The following KHDC4 variants were observed in gnomAD, a reference collection of about 807,000 sequenced individuals.
KHDC4 encodes the protein KH domain containing 4, pre-mRNA splicing factor.
A neutral mutation model predicts 74.5 loss-of-function variants in KHDC4; 19 were observed. The observed-to-expected ratio is 0.26, with a 90% CI of 0.18 to 0.37. The LOEUF is 0.37. Among genes scored for constraint, KHDC4 ranks in the 10% least tolerant of loss-of-function variants. The pLI is 1.00. For missense variants in KHDC4, 632 were observed against 754.1 expected (o/e 0.84, Z 1.90); for synonymous variants, 253 against 266.1 (o/e 0.95, Z 0.48).
intron 8 of KHDC4, among the ~76,000 whole-genome samples, chr1:155,923,162 G>A (rs567375863): frequency 7.6e-4 from 114 of 149,900 alleles, no homozygotes; most frequent in Middle Eastern, 6.9e-3. Flanking sequence ...CCGAGATCCC[G>A]CCACTGCACT....
At chr1:155,922,651 C>T (rs1258269388) in intron 8 of KHDC4, among the ~76,000 whole-genome samples, 1 of 152,134 alleles carries the variant, frequency 6.6e-6, no homozygotes, top group Non-Finnish European at 1.5e-5. Flanking sequence ...GGTGACTTTT[C>T]CTCAAGGAGC....
At chr1:155,926,289 T>G (rs998352766) in intron 6 of KHDC4, among the ~76,000 whole-genome samples, 1 of 151,428 alleles carries the variant, frequency 6.6e-6, no homozygotes, top group Non-Finnish European at 1.5e-5. Flanking sequence ...ATTTGGAATT[T>G]CACGATTTTT....
At chr1:155,915,615 C>G (rs899767088) in intron 13 of KHDC4, 2 of 419,658 alleles carry the variant, frequency 4.8e-6, no homozygotes, top group Admixed American at 8.8e-5. Context: ...TGAAGCGATT[C>G]TCCTGCCTCA....
At chr1:155,923,457 G>A (rs1673912136) in intron 8 of KHDC4, among the ~76,000 whole-genome samples, 170 bp downstream of exon 8, 1 of 152,196 alleles carries the variant, frequency 6.6e-6, no homozygotes, top group South Asian at 2.1e-4. Context: ...CTTGATTTCA[G>A]ACTCTGCTTC....
intron 2 of KHDC4, among the ~76,000 whole-genome samples, chr1:155,931,759 CTGT>C (rs947718345): frequency 6.6e-6 from 1 of 152,224 alleles, no homozygotes; most frequent in Non-Finnish European, 1.5e-5. Context: ...AGGTAACATA[CTGT>C]TGTTTACTTT....
chr1:155,934,201 G>T, intron 1 of KHDC4, 135 bp downstream of exon 1: 1 of 997,142 alleles, frequency 1.0e-6, no homozygotes, highest in Non-Finnish European at 1.5e-6. Flanking sequence ...GCCTGCTCAA[G>T]ATCCTTCTCC....
intron 4 of KHDC4, among the ~76,000 whole-genome samples, chr1:155,927,825 A>C (rs1195296435): frequency 6.2e-4 from 52 of 83,250 alleles, no homozygotes; most frequent in Non-Finnish European, 1.0e-3. Context: ...AAAAAAAAAA[A>C]AAAAAACCAC....
rs1673665140 is a variant in KHDC4 at position 155,913,117 on chromosome 1, G to A, written c.*1004C>T. On this transcript the variant is annotated 3_prime_UTR_variant, in exon 14 of 14. Coordinates refer to ENST00000368321, the MANE Select transcript of KHDC4 (RefSeq NM_014949.4). ...CAACATATAGGAAACCAGAGGATAAGTTTATACAAAGCCAGCCTGCAAAGT... is the reference window on the plus strand; with the variant it reads ...CAACATATAGGAAACCAGAGGATAAATTTATACAAAGCCAGCCTGCAAAGT... 1 of 152,692 alleles carries A rather than the reference G, an allele frequency of 6.5e-6. No homozygotes were observed. The highest frequency in any genetic ancestry group is 1.5e-5 in the Non-Finnish European group (1 of 68,032). The allele number at this position is 152,692 out of a possible 1,614,324, so 9.5% of individuals were successfully genotyped here. A position where few individuals can be genotyped will look rare whatever the true frequency, so the allele number is the denominator to read the frequency against.
At chr1:155,929,496 T>C in intron 3 of KHDC4, 121 bp from the exon 4 acceptor site, 3 of 1,008,702 alleles carry the variant, frequency 3.0e-6, no homozygotes, top group Non-Finnish European at 3.0e-6. Context: ...CTCCTGTATC[T>C]GAAATTTTGA....
chr1:155,917,527 T>G lies in KHDC4; in HGVS notation c.1412A>C (p.Glu471Ala). The G allele has an allele frequency of 6.3e-7, 1 of 1,592,046 alleles. No homozygotes were observed. Among genetic ancestry groups the G allele is most frequent in the Non-Finnish European group, 8.6e-7 (1 of 1,167,120 alleles). ...KRRFTEELPD[E>A]RESGLLGYQH... The stretch of plus-strand genomic sequence containing the variant: ...GTATCCAAGCAGTCCAGATTCCCGT[T>G]CATCTGGTAGCTCCTCTGTGAATCG... Residue 471 changes from glutamate (E) to alanine (A), a missense_variant, in exon 11 of 14, where the codon GAA becomes GCA. Coordinates refer to ENST00000368321, the MANE Select transcript of KHDC4 (RefSeq NM_014949.4).
Position 155,917,724 on chromosome 1 carries a change from A to G in KHDC4, c.1267-52T>C. ...AAAAAAGTGTGAGAATGCCCAAGGA[A>G]TAAGTAAACAATGATTACAATATAC... On this transcript the variant is annotated intron_variant, in intron 10 of 13. Coordinates refer to ENST00000368321, the MANE Select transcript of KHDC4 (RefSeq NM_014949.4). 5.2e-6 allele frequency: 7 copies of G among 1,334,664 alleles called. No homozygotes were observed. In the East Asian group the frequency reaches 1.8e-4, roughly 34 times the overall value. The allele number at this position is 1,334,664 out of a possible 1,614,324, so 82.7% of individuals were successfully genotyped here.
chr1:155,924,055 C>T (rs1673927311), intron 7 of KHDC4, among the ~76,000 whole-genome samples: 1 of 152,172 alleles, frequency 6.6e-6, no homozygotes, highest in Non-Finnish European at 1.5e-5. Flanking sequence ...TGGTGGTTCA[C>T]GCCTGTAATC....
At chr1:155,921,132 C>T in intron 10 of KHDC4, 1 of 509,544 alleles carries the variant, frequency 2.0e-6, no homozygotes, top group Non-Finnish European at 3.5e-6. Flanking sequence ...CAAGTGTGCC[C>T]ACCATCCCCA....
At chr1:155,924,571 TCTC>T (rs1178585322) in intron 7 of KHDC4, among the ~76,000 whole-genome samples, 3 of 146,466 alleles carry the variant, frequency 2.0e-5, no homozygotes, top group Non-Finnish European at 4.5e-5. Flanking sequence ...TTCAATAATT[TCTC>T]TTTTTTTTTT....
At chr1:155,926,620 A>G (rs1268611701) in intron 6 of KHDC4, 56 bp downstream of exon 6, 2 of 1,568,756 alleles carry the variant, frequency 1.3e-6, no homozygotes, top group Non-Finnish European at 1.8e-6. Context: ...CCTGGCCAGC[A>G]CATATCATTT....
intron 8 of KHDC4, 72 bp from the exon 9 acceptor site, chr1:155,921,990 AT>A (rs1415588059): frequency 2.2e-6 from 2 of 893,526 alleles, no homozygotes; most frequent in South Asian, 1.5e-5. Context: ...TGATTACATA[AT>A]TCTAGGACCA....
At position 155,921,396 on chromosome 1, in the gene KHDC4, C is replaced by G. The variant is rs757979048; in HGVS notation, c.1245G>C (p.Gln415His). ...VPTQYPITQV[Q>H]PPASTGQSPM... is the part of the protein sequence containing the mutation. ...CTACCTGTCCAGTGCTAGCTGGAGGCTGCACTTGTGTTATCGGGTATTGTG... is the reference window on the plus strand; with the variant it reads ...CTACCTGTCCAGTGCTAGCTGGAGGGTGCACTTGTGTTATCGGGTATTGTG... Residue 415 changes from glutamine to histidine, a missense_variant, in exon 10 of 14, where the codon CAG becomes CAC. Gln to His is a conservative substitution (Grantham distance 24, BLOSUM62 0). This residue lies in a region of KHDC4 where 254 missense variants were observed against 267.4 expected (regional missense o/e 0.95). Coordinates refer to ENST00000368321, the MANE Select transcript of KHDC4 (RefSeq NM_014949.4). 1 of 1,614,074 alleles carries G rather than the reference C, an allele frequency of 6.2e-7. No individual in the cohort carries two copies. The highest frequency in any genetic ancestry group is 1.1e-5 in the South Asian group (1 of 91,076).
At position 155,926,735 on chromosome 1, in the gene KHDC4, G is replaced by C. The variant is rs1312349354; in HGVS notation, c.622C>G (p.Pro208Ala). ...GGAGACAACTGAGCGATGGGTGCTG[G>C]CTGGTGATAGACAGTTACTGTTGCA... ...NGATVTVYHQ[P>A]APIAQLSPAV... The change falls in exon 6 of 14, where the codon CCA becomes GCA. Residue 208 changes from proline (P) to alanine (A), a missense_variant. By Grantham distance (27) the Pro-to-Ala change is conservative. Around this residue, in one of 4 missense-constraint regions of KHDC4, gnomAD observed 233 missense variants for 342.6 expected, o/e 0.68. Coordinates refer to ENST00000368321, the MANE Select transcript of KHDC4 (RefSeq NM_014949.4). The C allele has an allele frequency of 1.2e-6, 2 of 1,614,052 alleles. No individual in the cohort carries two copies. The highest frequency in any genetic ancestry group is 4.5e-5 in the East Asian group (2 of 44,896).
chr1:155,914,173 G>A lies in KHDC4; in HGVS notation c.1793C>T (p.Pro598Leu). Reference sequence around the variant, plus strand: ...TTGTTTAGCTCGTGGTTGTGATGAAGGATATTGGTATCCCAAACTCCAGCC... The same window carrying A: ...TTGTTTAGCTCGTGGTTGTGATGAAAGATATTGGTATCCCAAACTCCAGCC... ...PQGWSLGYQY[P>L]SSQPRAKQQM... The change falls in exon 14 of 14, where the codon CCT becomes CTT. Residue 598 changes from proline (P) to leucine (L), a missense_variant. Physicochemically the swap from Pro to Leu is moderately conservative, Grantham distance 98. Transcript: ENST00000368321. The A allele has an allele frequency of 6.2e-7, 1 of 1,614,112 alleles. No individual in the cohort carries two copies. The highest frequency in any genetic ancestry group is 8.5e-7 in the Non-Finnish European group (1 of 1,180,018).
Sources: gnomAD v4.1 joint callset for allele counts (sites outside exome capture counted in the v4.1 genomes callset) on GRCh38, gnomAD v4.1.1 for gene constraint, gnomAD v4.1.1 regional missense constraint, MANE v1.5 for transcripts, NCBI Gene and HGNC (gene_info 2026-07-23, HGNC 2026-07-21) for gene names.